ITIH6: variants seen among roughly 807,000 people sequenced by gnomAD.
ITIH6 encodes inter-alpha-trypsin inhibitor heavy chain family member 6, also known as inter-alpha-trypsin inhibitor heavy chain H6.
A neutral mutation model predicts 58.2 loss-of-function variants in ITIH6; 60 were observed. The observed-to-expected ratio is 1.03, with a 90% CI of 0.84 to 1.28. The LOEUF (loss-of-function observed/expected upper bound fraction) is 1.28, where lower values mean the gene tolerates loss of function less well. ITIH6 is among the 50% of genes most tolerant of loss of function. The pLI is 0.00. For missense variants in ITIH6, 1,290 were observed against 1,021.1 expected (o/e 1.26, Z -3.59); for synonymous variants, 493 against 417.4 (o/e 1.18, Z -2.21).
chrX:54,751,465 G>C, intron 11 of ITIH6, 85 bp from the exon 12 acceptor site: 1 of 1,059,613 alleles, frequency 9.4e-7, no homozygotes, highest in Non-Finnish European at 1.3e-6. Flanking sequence ...AGATGAAGTA[G>C]TGCAGATTTG....
intron 3 of ITIH6, 145 bp from the exon 4 acceptor site, chrX:54,791,229 G>T: frequency 3.8e-6 from 2 of 523,058 alleles, no homozygotes; most frequent in Non-Finnish European, 6.2e-6. Context: ...ACTGGCTCAT[G>T]GTCCGTCATC....
chrX:54,762,102 G>C (rs1043648542), intron 6 of ITIH6, among the ~76,000 whole-genome samples: 7 of 111,531 alleles, frequency 6.3e-5, no homozygotes, highest in African/African-American at 2.3e-4. Flanking sequence ...TTTGTGTCCT[G>C]TTTTATTTCA....
rs971522961 is a variant in ITIH6, at chrX:54,757,074, G to A, written c.3000C>T (p.Leu1000=). The change falls in exon 8 of 13, where the codon CTC becomes CTT. Residue 1000 remains leucine, a synonymous_variant. Transcript: ENST00000218436. ...SSILPEAISL[L]LLPEELELLS... ...GCAGCTCTAGCTCCTCAGGGAGAAG[G>A]AGCAGACTGATGGCCTCAGGGAGGA... 2 of 1,211,333 alleles carry A rather than the reference G, an allele frequency of 1.7e-6. No homozygotes were observed. The highest frequency in any genetic ancestry group is 5.9e-5 in the East Asian group (2 of 33,857).
intron 5 of ITIH6, among the ~76,000 whole-genome samples, chrX:54,779,195 A>G (rs1351188113): frequency 1.8e-5 from 2 of 112,346 alleles, no homozygotes; most frequent in Non-Finnish European, 3.8e-5. Flanking sequence ...ATCTGAAGGT[A>G]CAAAACTTAC....
chrX:54,751,264 T>C lies in ITIH6; in HGVS notation c.3469A>G (p.Ile1157Val). The change falls in exon 12 of 13, where the codon ATC becomes GTC. Residue 1157 changes from isoleucine (I) to valine (V), a missense_variant. Coordinates refer to ENST00000218436, the MANE Select transcript of ITIH6 (RefSeq NM_198510.3). ...GATATAGAACTGCGGCTGATGGTGA[T>C]AGTATAGGCCCGGGGTTTGTCTGTA... ...VTTDKPRAYTITISRSSISLR... is the reference protein window; with the variant it reads ...VTTDKPRAYTVTISRSSISLR... 2 of 1,211,519 alleles carry C rather than the reference T, an allele frequency of 1.7e-6. No homozygotes were observed. Among genetic ancestry groups the C allele is most frequent in the Non-Finnish European group, 2.2e-6 (2 of 895,386 alleles).
intron 2 of ITIH6, among the ~76,000 whole-genome samples, chrX:54,794,162 G>A (rs1001181409): frequency 1.8e-5 from 2 of 109,162 alleles, no homozygotes; most frequent in African/African-American, 3.4e-5. Context: ...GTGGGGGTGG[G>A]CCGAGTTGGC....
At chrX:54,761,537 C>A (rs1166168055) in intron 6 of ITIH6, among the ~76,000 whole-genome samples, 2 of 111,264 alleles carry the variant, frequency 1.8e-5, no homozygotes, top group Non-Finnish European at 3.8e-5. Flanking sequence ...AATGGTATTG[C>A]CTAGGTTTTC....
At position 54,757,329 on chromosome X, in the gene ITIH6, G is replaced by C. The variant is rs370514716; in HGVS notation, c.2745C>G (p.Ser915Arg). The C allele has an allele frequency of 8.3e-7, 1 of 1,201,626 alleles. No homozygotes were observed. The highest frequency in any genetic ancestry group is 1.1e-6 in the Non-Finnish European group (1 of 889,944). ...CAAGGACAGAGGTGGTTGTGGTACT[G>C]CTGGGACCTGTGGAACTTGAGATTG... is the stretch of plus-strand genomic sequence containing the variant. ...PNTISSSTGPSSTTTTSVLGE... is the reference protein window; with the variant it reads ...PNTISSSTGPRSTTTTSVLGE... The change falls in exon 8 of 13, where the codon AGC becomes AGG. Residue 915 changes from serine to arginine, a missense_variant. Coordinates refer to ENST00000218436, the MANE Select transcript of ITIH6 (RefSeq NM_198510.3).
chrX:54,781,468 C>T (rs1481648013), intron 5 of ITIH6, among the ~76,000 whole-genome samples: 3 of 112,076 alleles, frequency 2.7e-5, no homozygotes, highest in East Asian at 5.6e-4. Flanking sequence ...CGGCTAACAA[C>T]CATATGAAAA....
At chrX:54,761,981 C>G (rs185738839) in intron 6 of ITIH6, among the ~76,000 whole-genome samples, 1 of 111,444 alleles carries the variant, frequency 9.0e-6, no homozygotes, top group Admixed American at 9.5e-5. Context: ...GAAGAAAGTC[C>G]TTGGTAGCTT....
intron 5 of ITIH6, among the ~76,000 whole-genome samples, chrX:54,775,484 C>T (rs1255434327): frequency 9.0e-6 from 1 of 111,099 alleles, no homozygotes; most frequent in Non-Finnish European, 1.9e-5. Flanking sequence ...TAAACCTCCT[C>T]CCTCAGCCTA....
intron 3 of ITIH6, 149 bp from the exon 4 acceptor site, chrX:54,791,233 C>T (rs998819838): frequency 2.4e-5 from 12 of 496,439 alleles, no homozygotes; most frequent in East Asian, 1.5e-4. Context: ...GCTCATGGTC[C>T]GTCATCCATG....
At chrX:54,768,531 G>A (rs867471394) in intron 6 of ITIH6, among the ~76,000 whole-genome samples, 4,274 of 99,859 alleles carry the variant, frequency 0.043, 361 homozygotes, top group African/African-American at 0.16. Context: ...GGCTGGTACC[G>A]GTTGTTCCTT....
chrX:54,759,740 T>C lies in ITIH6; in HGVS notation c.1075+16A>G. ...ACCACAGCCTGCCCATTTGGGTGGGTAGATCTAACACTTACAGCCATCGGC... is the reference window on the plus strand; with the variant it reads ...ACCACAGCCTGCCCATTTGGGTGGGCAGATCTAACACTTACAGCCATCGGC... On this transcript the variant is annotated intron_variant, in intron 7 of 12. Coordinates refer to ENST00000218436, the MANE Select transcript of ITIH6 (RefSeq NM_198510.3). 4.2e-6 allele frequency: 5 copies of C among 1,188,247 alleles called. No individual in the cohort carries two copies. The highest frequency in any genetic ancestry group is 5.7e-6 in the Non-Finnish European group (5 of 880,874).
intron 6 of ITIH6, among the ~76,000 whole-genome samples, chrX:54,764,830 G>A (rs1314162788): frequency 5.0e-5 from 5 of 99,554 alleles, no homozygotes; most frequent in East Asian, 3.3e-4. Flanking sequence ...CTGAGGAATC[G>A]CCACACTGAC....
intron 5 of ITIH6, among the ~76,000 whole-genome samples, chrX:54,782,910 C>T (rs1365431078): frequency 1.8e-5 from 2 of 111,734 alleles, no homozygotes; most frequent in Admixed American, 1.9e-4. Flanking sequence ...TATAGGCCAA[C>T]GACTCTGATG....
rs758280845 is a variant in ITIH6, at chrX:54,750,030, A to G, written c.3807T>C (p.Asp1269=). Residue 1269 remains aspartate (D), a synonymous_variant, in exon 13 of 13, where the codon GAT becomes GAC. Coordinates refer to ENST00000218436, the MANE Select transcript of ITIH6 (RefSeq NM_198510.3). ...GPCLRRHHGP[D]VPVILGKRLL... ...GCCTCTTGCCTAGAATCACAGGCAC[A>G]TCTGGGCCATGGTGCCTTCGTAAGC... 5.0e-6 allele frequency: 6 copies of G among 1,211,066 alleles called. No homozygotes were observed. In the Admixed American group the frequency reaches 1.1e-4, roughly 22 times the overall value.
In ITIH6 at chrX:54,758,967, A is replaced by G; in HGVS notation, c.1107T>C (p.Ala369=). The part of the protein sequence containing the change: ...WTDVNSALLA[A]ASVLNHSNQE... ...GGTTGCTATGGTTCAGCACTGAAGC[A>G]GCTGCCAGCAGAGCTGAGTTGACGT... is the stretch of plus-strand genomic sequence containing the variant. The change falls in exon 8 of 13, where the codon GCT becomes GCC. Residue 369 remains alanine (A), a synonymous_variant. Coordinates refer to ENST00000218436, the MANE Select transcript of ITIH6 (RefSeq NM_198510.3). 7 of 1,180,386 alleles carry G rather than the reference A, an allele frequency of 5.9e-6. No individual in the cohort carries two copies. The highest frequency in any genetic ancestry group is 8.0e-6 in the Non-Finnish European group (7 of 878,403).
intron 6 of ITIH6, among the ~76,000 whole-genome samples, chrX:54,762,551 T>G (rs1454713359): frequency 8.9e-6 from 1 of 111,907 alleles, no homozygotes; most frequent in Non-Finnish European, 1.9e-5. Context: ...TTATGCTCTT[T>G]AGATAGCATA....
Sources: allele counts gnomAD v4.1 joint callset (sites outside exome capture counted in the v4.1 genomes callset), GRCh38; gene constraint gnomAD v4.1.1; transcripts MANE v1.5; gene names NCBI Gene and HGNC (gene_info 2026-07-23, HGNC 2026-07-21).